The following PCDHGA2 variants were observed in gnomAD, a reference collection of about 807,000 sequenced individuals.
The protein encoded by PCDHGA2 is protocadherin gamma subfamily A, 2.
PCDHGA2 carries 40 observed loss-of-function variants against 59.2 expected under a neutral mutation model. The ratio of observed to expected loss-of-function variants is 0.68; its 90% confidence interval spans 0.52 to 0.88. The LOEUF is 0.88. Among genes scored for constraint, PCDHGA2 ranks in the 40% least tolerant of loss-of-function variants. The pLI is 0.00. For missense variants in PCDHGA2, 1,226 were observed against 1,204.0 expected, an observed-to-expected ratio of 1.02 and a Z score of -0.27; for synonymous variants, 560 against 526.0, an observed-to-expected ratio of 1.06 and a Z score of -0.89.
At chr5:141,459,984 A>G (rs906041823) in intron 1 of PCDHGA2, among the ~76,000 whole-genome samples, 4 of 152,216 alleles carry the variant, frequency 2.6e-5, no homozygotes, top group Non-Finnish European at 5.9e-5. Flanking sequence ...AGGCTGAGAC[A>G]GGAGAATCGC....
At chr5:141,392,357 C>T (rs980934647) in intron 1 of PCDHGA2, 1 of 152,638 alleles carries the variant, frequency 6.6e-6, no homozygotes, top group Admixed American at 6.5e-5. Flanking sequence ...TAATCCGATG[C>T]TACAATCTGA....
At chr5:141,413,316 T>C (rs769316460) in intron 1 of PCDHGA2, 13 of 1,613,976 alleles carry the variant, frequency 8.1e-6, no homozygotes, top group Non-Finnish European at 1.1e-5. Flanking sequence ...AGAAAGGCTC[T>C]TTCGTGGGCA....
intron 1 of PCDHGA2, 27 bp downstream of exon 1, chr5:141,341,422 A>G (rs1206978234): frequency 6.2e-7 from 1 of 1,612,990 alleles, no homozygotes; most frequent in African/African-American, 1.3e-5. Flanking sequence ...CAACATACGT[A>G]CTAGCTAGTT....
intron 1 of PCDHGA2, chr5:141,408,089 G>C: frequency 7.0e-7 from 1 of 1,424,386 alleles, no homozygotes; most frequent in Non-Finnish European, 9.2e-7. Flanking sequence ...ACAGCGGATT[G>C]CCAGCTCCGA....
chr5:141,372,634 C>G, intron 1 of PCDHGA2: 1 of 1,614,012 alleles, frequency 6.2e-7, no homozygotes, highest in Non-Finnish European at 8.5e-7. Context: ...AGCGAAAGGA[C>G]TTTGCCTTAT....
At chr5:141,438,949 A>G (rs538626951) in intron 1 of PCDHGA2, among the ~76,000 whole-genome samples, 1 of 152,170 alleles carries the variant, frequency 6.6e-6, no homozygotes, top group East Asian at 1.9e-4. Flanking sequence ...TATAGGCATG[A>G]GCCACCGCAC....
rs1221067458 is a variant in PCDHGA2 at position 141,491,658 on chromosome 5, C to T, written c.2425-3149C>T. The T allele has an allele frequency of 3.1e-6, 5 of 1,613,822 alleles. No individual in the cohort carries two copies. The highest frequency in any genetic ancestry group is 2.2e-5 in the South Asian group (2 of 91,088). Reference sequence around the variant, plus strand: ...CCACAGCTCTGGCGCTGGAGCCTGACGCCATCCGGTCCCGCTCTAATACGC... The same window carrying T: ...CCACAGCTCTGGCGCTGGAGCCTGATGCCATCCGGTCCCGCTCTAATACGC... On this transcript the variant is annotated intron_variant, in intron 1 of 3. Coordinates refer to ENST00000394576, the MANE Select transcript of PCDHGA2 (RefSeq NM_018915.4). The surrounding 1 kb of genome is among the most constrained non-coding windows in gnomAD (Gnocchi z 6.9).
At chr5:141,364,743 TA>T in intron 1 of PCDHGA2, 1 of 1,613,916 alleles carries the variant, frequency 6.2e-7, no homozygotes. Context: ...GATGAAGAGT[TA>T]AAAGTAAAAG....
chr5:141,423,610 G>GT, intron 1 of PCDHGA2: 1 of 1,611,424 alleles, frequency 6.2e-7, no homozygotes, highest in African/African-American at 1.3e-5. Context: ...ACTCTTGATA[G>GT]CTGAAGACTC....
At chr5:141,425,802 C>T (rs966768224) in intron 1 of PCDHGA2, among the ~76,000 whole-genome samples, 6 of 152,160 alleles carry the variant, frequency 3.9e-5, no homozygotes, top group African/African-American at 1.4e-4. Context: ...ATGTGCATTG[C>T]TTCTGCTTAG....
intron 1 of PCDHGA2, chr5:141,390,422 G>A: frequency 9.3e-7 from 1 of 1,071,928 alleles, no homozygotes; most frequent in South Asian, 1.6e-5. Flanking sequence ...CAGTTAAAAA[G>A]CTGTCATATC....
At chr5:141,370,501 C>T in intron 1 of PCDHGA2, 1 of 1,613,952 alleles carries the variant, frequency 6.2e-7, no homozygotes, top group Non-Finnish European at 8.5e-7. Flanking sequence ...ATCCGCTACG[C>T]TATTCCCGAG....
Position 141,361,670 on chromosome 5 carries a change from G to T in PCDHGA2, c.2424+20275G>T, listed in dbSNP as rs1388085140. ...TACGTGTCCGTGAGCGCGCAGAGCG[G>T]GGTGGTGTTCGCGCAGCGCGCCTTC... On this transcript the variant is annotated intron_variant, in intron 1 of 3. Coordinates refer to ENST00000394576, the MANE Select transcript of PCDHGA2 (RefSeq NM_018915.4). 71 of 1,613,684 alleles carry T rather than the reference G, an allele frequency of 4.4e-5. 1 individual carries two copies. The highest frequency in any genetic ancestry group is 5.9e-5 in the Non-Finnish European group (70 of 1,179,914).
At chr5:141,497,691 C>T (rs2099778682) in intron 2 of PCDHGA2, among the ~76,000 whole-genome samples, 1 of 152,066 alleles carries the variant, frequency 6.6e-6, no homozygotes, top group African/African-American at 2.4e-5. Flanking sequence ...AGGTGTGCAC[C>T]ACCACACCCA....
In PCDHGA2 at chr5:141,485,244, T is replaced by C; in HGVS notation, c.2425-9563T>C. ...ACCCTTTTGTTCCTCTTTTACCACC[T>C]GGGTTACGTTTGTGGGCAGATCCGC... On this transcript the variant is annotated intron_variant, in intron 1 of 3. Transcript: ENST00000394576. This position sits in a 1 kb window ranked among gnomAD's most constrained non-coding sequence, Gnocchi z 5.7. 1 of 1,614,168 alleles carries C rather than the reference T, an allele frequency of 6.2e-7. No individual in the cohort carries two copies. Among genetic ancestry groups the C allele is most frequent in the Admixed American group, 1.7e-5 (1 of 60,016 alleles).
chr5:141,405,575 G>T, intron 1 of PCDHGA2: 2 of 598,040 alleles, frequency 3.3e-6, no homozygotes, highest in Non-Finnish European at 5.9e-6. Flanking sequence ...GAGTAGAGTA[G>T]CTGGGACTAC....
intron 1 of PCDHGA2, chr5:141,399,670 G>A (rs2093861747): frequency 6.2e-7 from 1 of 1,613,610 alleles, no homozygotes; most frequent in Non-Finnish European, 8.5e-7. Flanking sequence ...CGCGCAGCGC[G>A]CCTTTGACTA....
rs765318875 is a variant in PCDHGA2 at position 141,489,896 on chromosome 5, C to A, written c.2425-4911C>A. On this transcript the variant is annotated intron_variant, in intron 1 of 3. Coordinates refer to ENST00000394576, the MANE Select transcript of PCDHGA2 (RefSeq NM_018915.4). This position sits in a 1 kb window ranked among gnomAD's most constrained non-coding sequence, Gnocchi z 4.5. ...GTGCTTACTGCTGTGGATGGGGGGA[C>A]CCCAGCCCGCTCAGGGACCACCCTT... 5 of 1,614,062 alleles carry A rather than the reference C, an allele frequency of 3.1e-6. No homozygotes were observed.
intron 1 of PCDHGA2, among the ~76,000 whole-genome samples, chr5:141,381,770 A>G (rs1309418172): frequency 1.3e-5 from 2 of 151,484 alleles, no homozygotes; most frequent in Non-Finnish European, 2.9e-5. Flanking sequence ...TATATAATCA[A>G]TAATCAGGAA....
Sources: allele counts gnomAD v4.1 joint callset (sites outside exome capture counted in the v4.1 genomes callset), GRCh38; gene constraint gnomAD v4.1.1; non-coding constraint Gnocchi (gnomAD v3.1); transcripts MANE v1.5; gene names NCBI Gene and HGNC (gene_info 2026-07-23, HGNC 2026-07-21).